Variants in SPAG17 observed in about 807,000 individuals in gnomAD.
SPAG17 encodes sperm associated antigen 17.
A neutral mutation model predicts 273.6 loss-of-function variants in SPAG17; 169 were observed. The observed-to-expected ratio is 0.62, with a 90% CI of 0.55 to 0.70. The LOEUF is 0.70. Among genes scored for constraint, SPAG17 ranks in the 30% least tolerant of loss-of-function variants. The pLI, the probability that SPAG17 is intolerant of heterozygous loss-of-function variation, is 0.00. For synonymous variants in SPAG17, 825 were observed against 873.2 expected (o/e 0.94, Z 0.97); for missense variants, 2,557 against 2,627.8 (o/e 0.97, Z 0.59).
In SPAG17 at chr1:118,091,993, G is replaced by T; in HGVS notation, c.1183C>A (p.Pro395Thr). 1 of 1,613,436 alleles carries T rather than the reference G, an allele frequency of 6.2e-7. No individual in the cohort carries two copies. Among genetic ancestry groups the T allele is most frequent in the South Asian group, 1.1e-5 (1 of 91,060 alleles). Reference protein sequence around the residue: ...EAMPTSEAPQPAVPAPGKKKA... With the variant: ...EAMPTSEAPQTAVPAPGKKKA... ...TTCTTTCCAGGAGCTGGTACAGCAG[G>T]TTGTGGAGCCTAGAAAAAGAATAAT... is the stretch of plus-strand genomic sequence containing the variant. Residue 395 changes from proline (P) to threonine (T), a missense_variant, in exon 9 of 49, where the codon CCT becomes ACT. Coordinates refer to ENST00000336338, the MANE Select transcript of SPAG17 (RefSeq NM_206996.4).
At chr1:118,072,510 ATC>A (rs1315475245) in intron 17 of SPAG17, among the ~76,000 whole-genome samples, 3 of 152,224 alleles carry the variant, frequency 2.0e-5, no homozygotes, top group Admixed American at 2.0e-4. Context: ...CTAATAGAAT[ATC>A]TGTTATGTTT....
At chr1:118,143,540 AAG>A (rs1327921173) in intron 3 of SPAG17, among the ~76,000 whole-genome samples, 1 of 152,152 alleles carries the variant, frequency 6.6e-6, no homozygotes, top group Non-Finnish European at 1.5e-5. Flanking sequence ...TCCCCACAAA[AAG>A]AAAAAAGCCA....
At chr1:118,059,891 G>A (rs148304331) in intron 18 of SPAG17, among the ~76,000 whole-genome samples, 52 of 152,098 alleles carry the variant, frequency 3.4e-4, no homozygotes, top group African/African-American at 1.2e-3. Flanking sequence ...TTATCCGTTA[G>A]TCCACTCTGA....
At chr1:118,062,795 T>C (rs1480503903) in intron 18 of SPAG17, among the ~76,000 whole-genome samples, 5 of 152,184 alleles carry the variant, frequency 3.3e-5, no homozygotes, top group Non-Finnish European at 7.3e-5. Flanking sequence ...TTAGAGAACA[T>C]TCCTTCCTGT....
chr1:118,080,572 C>T (rs931116618), intron 15 of SPAG17, among the ~76,000 whole-genome samples: 1 of 152,194 alleles, frequency 6.6e-6, no homozygotes, highest in African/African-American at 2.4e-5. Context: ...CTATATTTTA[C>T]ACAGATTAAT....
chr1:118,114,162 A>G (rs1656927377), intron 4 of SPAG17, among the ~76,000 whole-genome samples: 1 of 152,130 alleles, frequency 6.6e-6, no homozygotes, highest in African/African-American at 2.4e-5. Context: ...TTCTTCTGTC[A>G]AGTCTTAATT....
intron 30 of SPAG17, among the ~76,000 whole-genome samples, chr1:118,011,581 A>G (rs1364902406): frequency 6.6e-6 from 1 of 152,162 alleles, no homozygotes; most frequent in African/African-American, 2.4e-5. Flanking sequence ...GAAGGTAGGA[A>G]GAAGGAGAGG....
intron 3 of SPAG17, among the ~76,000 whole-genome samples, chr1:118,123,660 C>G (rs151147954): frequency 6.6e-6 from 1 of 152,124 alleles, no homozygotes; most frequent in Non-Finnish European, 1.5e-5. Flanking sequence ...ATCCATCTCT[C>G]GACAATGTCA....
intron 1 of SPAG17, among the ~76,000 whole-genome samples, chr1:118,173,843 G>A (rs533316653): frequency 1.6e-4 from 22 of 134,576 alleles, no homozygotes; most frequent in African/African-American, 6.4e-4. Flanking sequence ...CTGGGTGACA[G>A]AGCGAGACCC....
chr1:118,064,871 A>C (rs569399884), intron 18 of SPAG17, among the ~76,000 whole-genome samples: 1 of 152,132 alleles, frequency 6.6e-6, no homozygotes, highest in Admixed American at 6.5e-5. Context: ...ATAAGGAAAA[A>C]GCCAACAAAA....
chr1:117,957,597 A>G (rs1367200906), intron 48 of SPAG17, among the ~76,000 whole-genome samples: 1 of 152,260 alleles, frequency 6.6e-6, no homozygotes, highest in Non-Finnish European at 1.5e-5. Context: ...AACCTTGTCC[A>G]GCCTGTGGCC....
chr1:118,017,996 A>G (rs977066600), intron 28 of SPAG17, among the ~76,000 whole-genome samples: 2 of 152,242 alleles, frequency 1.3e-5, no homozygotes, highest in African/African-American at 4.8e-5. Flanking sequence ...TCTTTAAATC[A>G]GTCTTCTTGA....
At chr1:118,116,104 GC>G (rs1657063857) in intron 3 of SPAG17, among the ~76,000 whole-genome samples, 1 of 152,118 alleles carries the variant, frequency 6.6e-6, no homozygotes, top group Non-Finnish European at 1.5e-5. Context: ...GGCACTGACA[GC>G]CTGTTTTATG....
rs768653332 is a variant in SPAG17, at chr1:118,028,408, A to C, written c.3610-14T>G. The C allele has an allele frequency of 6.2e-7, 1 of 1,611,606 alleles. No individual in the cohort carries two copies. The highest frequency in any genetic ancestry group is 1.7e-5 in the Admixed American group (1 of 59,456). On this transcript the variant is annotated splice_polypyrimidine_tract_variant and intron_variant, in intron 25 of 48. Transcript: ENST00000336338. ...TACTTCTTCTTCCTGTAAATAATTC[A>C]GCATGTGAATAATGGGCTGTCATTT...
intron 18 of SPAG17, among the ~76,000 whole-genome samples, chr1:118,061,261 A>G (rs1213421388): frequency 4.6e-5 from 7 of 152,182 alleles, no homozygotes; most frequent in South Asian, 2.1e-4. Flanking sequence ...CCCCATCTTC[A>G]TTGCAATGTT....
At position 117,957,080 on chromosome 1, in the gene SPAG17, A is replaced by C. The variant is rs774322110; in HGVS notation, c.*1-3031T>G. On this transcript the variant is annotated intron_variant, in intron 48 of 48. Transcript: ENST00000336338. Reference sequence around the variant, plus strand: ...TTTTCTTTTTCAGTGAGCTGGAAGAATCTCTACTTGTGCTGCCTTTCTCTT... The same window carrying C: ...TTTTCTTTTTCAGTGAGCTGGAAGACTCTCTACTTGTGCTGCCTTTCTCTT... The C allele has an allele frequency of 7.6e-6, 12 of 1,586,082 alleles. No individual in the cohort carries two copies. In the South Asian group the frequency reaches 1.3e-4, roughly 17 times the overall value.
chr1:118,093,374 A>T, intron 7 of SPAG17, 57 bp from the exon 8 acceptor site: 1 of 1,484,568 alleles, frequency 6.7e-7, no homozygotes, highest in Non-Finnish European at 9.1e-7. Context: ...TTGGAATCAG[A>T]TATATGGTAT....
chr1:118,061,689 A>C (rs938091434), intron 18 of SPAG17, among the ~76,000 whole-genome samples: 10 of 152,234 alleles, frequency 6.6e-5, no homozygotes, highest in African/African-American at 2.2e-4. Context: ...GGGTATGTTT[A>C]GTACCTTGGT....
rs139077911 is a variant in SPAG17 at position 117,992,593 on chromosome 1, T to G, written c.5234A>C (p.Glu1745Ala). 6.3e-5 allele frequency: 102 copies of G among 1,613,448 alleles called. No homozygotes were observed. The African/African-American group carries it at 1.2e-3, about 20-fold the overall frequency. The change falls in exon 36 of 49, where the codon GAG (glutamate) becomes GCG (alanine). Residue 1745 changes from glutamate (E) to alanine (A), a missense_variant. Glu to Ala is a moderately radical substitution (Grantham distance 107, BLOSUM62 -1). Coordinates refer to ENST00000336338, the MANE Select transcript of SPAG17 (RefSeq NM_206996.4). ...CGGGGCACTCACTAGCTGTTTGGAC[T>G]CAATGCAAAGGCCTTTCCAAATCTG... is the stretch of plus-strand genomic sequence containing the variant. Reference protein sequence around the residue: ...GTQIWKGLCIESKQLVSAPGA... With the variant: ...GTQIWKGLCIASKQLVSAPGA...
Sources: allele counts gnomAD v4.1 joint callset (sites outside exome capture counted in the v4.1 genomes callset), GRCh38; gene constraint gnomAD v4.1.1; transcripts MANE v1.5; gene names NCBI Gene and HGNC (gene_info 2026-07-23, HGNC 2026-07-21).